Variants in XPNPEP3 observed in about 807,000 individuals in gnomAD.
XPNPEP3 encodes the protein xaa-Pro aminopeptidase 3.
In XPNPEP3, 41 loss-of-function variants were observed where a neutral mutation model predicts 60.0. The observed-to-expected ratio is 0.68, with a 90% CI of 0.53 to 0.89. XPNPEP3 has a LOEUF of 0.89. Ranked by LOEUF, XPNPEP3 falls within the 40% of genes least tolerant of loss-of-function variation. XPNPEP3 has a pLI of 0.00. For synonymous variants in XPNPEP3, 212 were observed against 223.2 expected, an observed-to-expected ratio of 0.95 and a Z score of 0.45; for missense variants, 598 against 638.9, an observed-to-expected ratio of 0.94 and a Z score of 0.69.
rs1190350581 is a variant in XPNPEP3, at chr22:40,907,592, C to A, written c.798C>A (p.Phe266Leu). 1.9e-6 allele frequency: 3 copies of A among 1,613,938 alleles called. No homozygotes were observed. The South Asian group carries it at 3.3e-5, about 18-fold the overall frequency. The change falls in exon 5 of 10, where the codon TTC becomes TTA. Residue 266 changes from phenylalanine to leucine, a missense_variant. Coordinates refer to ENST00000357137, the MANE Select transcript of XPNPEP3 (RefSeq NM_022098.4). ...ATCCTCCTTTCTCTTTGCAGGCTTTCATAGAAACCATGTTCACCAGTAAAG... is the reference window on the plus strand; with the variant it reads ...ATCCTCCTTTCTCTTTGCAGGCTTTAATAGAAACCATGTTCACCAGTAAAG... ...QIAGKLTSQAFIETMFTSKAP... is the reference protein window; with the variant it reads ...QIAGKLTSQALIETMFTSKAP...
intron 4 of XPNPEP3, among the ~76,000 whole-genome samples, chr22:40,898,125 G>A (rs2058116326): frequency 1.3e-5 from 2 of 150,310 alleles, no homozygotes; most frequent in Admixed American, 6.7e-5. Context: ...TGTGCTTTTG[G>A]TGTCATATCC....
Position 40,930,033 on chromosome 22 carries a change from C to T in XPNPEP3, c.*3598C>T, listed in dbSNP as rs985671990. ...TCAACTGCCTTTGCAAGTTCATAAA[C>T]TTCTAAGGGTAAAAAGTGAATAAGA... is the stretch of plus-strand genomic sequence containing the variant. On this transcript the variant is annotated 3_prime_UTR_variant, in exon 10 of 10. Coordinates refer to ENST00000357137, the MANE Select transcript of XPNPEP3 (RefSeq NM_022098.4). 6.6e-6 allele frequency: 1 copy of T among 150,872 alleles called. No individual in the cohort carries two copies. Among genetic ancestry groups the T allele is most frequent in the African/African-American group, 2.4e-5 (1 of 41,004 alleles). 9.3% of individuals were successfully genotyped at this position (150,872 alleles called of 1,614,324 possible). A position where few individuals can be genotyped will look rare whatever the true frequency, so the allele number is the denominator to read the frequency against.
At position 40,893,006 on chromosome 22, in the gene XPNPEP3, T is replaced by C. The variant is rs141813047; in HGVS notation, c.792+6491T>C. On this transcript the variant is annotated intron_variant, in intron 4 of 9. Coordinates refer to ENST00000357137, the MANE Select transcript of XPNPEP3 (RefSeq NM_022098.4). ...TCTGGTAACCTTTGTAAAACCGTTA[T>C]CTTAATGGTTTTATGTGTTAGATTA... Among the ~76,000 whole-genome samples the C allele has an allele frequency of 1.2e-4, 18 of 151,258 alleles. No homozygotes were observed. In the East Asian group the frequency reaches 3.3e-3, roughly 28 times the overall value.
chr22:40,918,233 C>T (rs2058203663), intron 7 of XPNPEP3, among the ~76,000 whole-genome samples: 1 of 151,822 alleles, frequency 6.6e-6, no homozygotes, highest in African/African-American at 2.4e-5. Flanking sequence ...AATTGGCCAA[C>T]TATGGTGGCG....
chr22:40,857,185 C>G lies in XPNPEP3; in HGVS notation c.4C>G (p.Pro2Ala). The G allele has an allele frequency of 6.2e-7, 1 of 1,614,202 alleles. No individual in the cohort carries two copies. Among genetic ancestry groups the G allele is most frequent in the Non-Finnish European group, 8.5e-7 (1 of 1,180,036 alleles). The change falls in exon 1 of 10, where the codon CCT becomes GCT. Residue 2 changes from proline (P) to alanine (A), a missense_variant. Coordinates refer to ENST00000357137, the MANE Select transcript of XPNPEP3 (RefSeq NM_022098.4). The part of the protein sequence containing the change: M[P>A]WLLSAPKLVP... The stretch of plus-strand genomic sequence containing the variant: ...CCGACGCGTGAGTTAGGCCGTAATG[C>G]CTTGGCTGCTCTCAGCCCCCAAGCT...
intron 7 of XPNPEP3, among the ~76,000 whole-genome samples, chr22:40,920,881 C>T (rs1197283478): frequency 6.6e-6 from 1 of 152,148 alleles, no homozygotes; most frequent in Non-Finnish European, 1.5e-5. Context: ...CAACCTTCGC[C>T]TCCCAGTTTC....
At chr22:40,890,821 T>C (rs549007404) in intron 4 of XPNPEP3, among the ~76,000 whole-genome samples, 1 of 151,714 alleles carries the variant, frequency 6.6e-6, no homozygotes, top group Admixed American at 6.6e-5. Flanking sequence ...TGAGCTGAGA[T>C]TGCACCACTG....
In XPNPEP3 at chr22:40,924,437, C is replaced by G; in HGVS notation, c.1312C>G (p.Arg438Gly). The change falls in exon 9 of 10, where the codon CGT becomes GGT. Residue 438 changes from arginine to glycine, a missense_variant. By Grantham distance (125) the Arg-to-Gly change is moderately radical. Transcript: ENST00000357137. ...TGTCCATGACACTCCAGACATGCCCCGTTCCCTCCCTCTGCAGCCTGGGAT... is the reference window on the plus strand; with the variant it reads ...TGTCCATGACACTCCAGACATGCCCGGTTCCCTCCCTCTGCAGCCTGGGAT... ...MDVHDTPDMP[R>G]SLPLQPGMVI... 2 of 1,614,176 alleles carry G rather than the reference C, an allele frequency of 1.2e-6. No homozygotes were observed. The highest frequency in any genetic ancestry group is 4.5e-5 in the East Asian group (2 of 44,888).
intron 1 of XPNPEP3, among the ~76,000 whole-genome samples, chr22:40,867,309 T>TC (rs1012501867): frequency 9.2e-5 from 14 of 152,102 alleles, no homozygotes; most frequent in African/African-American, 3.4e-4. Context: ...CTCTTATCCC[T>TC]CCCCCTTGCC....
chr22:40,901,242 T>TTTTTTC (rs1282304073), intron 4 of XPNPEP3, among the ~76,000 whole-genome samples: 1 of 147,782 alleles, frequency 6.8e-6, no homozygotes, highest in African/African-American at 2.5e-5. Context: ...AGAACTTTTT[T>TTTTTTC]TTTTTTTGAG....
chr22:40,917,288 G>A (rs1293000472), intron 7 of XPNPEP3: 1 of 152,112 alleles, frequency 6.6e-6, no homozygotes, highest in Non-Finnish European at 1.5e-5. Context: ...CAGAAACAGA[G>A]CAGGTCACAA....
At chr22:40,858,522 C>CTTTTTT (rs34319696) in intron 1 of XPNPEP3, among the ~76,000 whole-genome samples, 20 of 85,506 alleles carry the variant, frequency 2.3e-4, no homozygotes, top group Non-Finnish European at 3.0e-4. Flanking sequence ...GCTGGAGAAG[C>CTTTTTT]TTTTTTTTTT....
chr22:40,916,120 T>C (rs1318330954), intron 7 of XPNPEP3, among the ~76,000 whole-genome samples: 1 of 151,940 alleles, frequency 6.6e-6, no homozygotes, highest in Non-Finnish European at 1.5e-5. Flanking sequence ...TGTGAAACCC[T>C]GTCTCTACTA....
At chr22:40,861,590 TC>T in intron 1 of XPNPEP3, 2 of 1,613,278 alleles carry the variant, frequency 1.2e-6, no homozygotes, top group Non-Finnish European at 1.7e-6. Flanking sequence ...AGAAAAAGTA[TC>T]CTGCATCTCT....
intron 4 of XPNPEP3, among the ~76,000 whole-genome samples, chr22:40,903,895 CACA>C (rs1247527681): frequency 1.3e-5 from 2 of 151,878 alleles, no homozygotes; most frequent in Admixed American, 1.3e-4. Context: ...CACACACACA[CACA>C]CACACACACA....
At chr22:40,887,176 T>C (rs138781317) in intron 4 of XPNPEP3, among the ~76,000 whole-genome samples, 1 of 152,294 alleles carries the variant, frequency 6.6e-6, no homozygotes, top group African/African-American at 2.4e-5. Flanking sequence ...CTTACAGATC[T>C]GCAGTTTATT....
chr22:40,920,012 G>T (rs2058210472), intron 7 of XPNPEP3, among the ~76,000 whole-genome samples: 1 of 152,062 alleles, frequency 6.6e-6, no homozygotes, highest in Non-Finnish European at 1.5e-5. Flanking sequence ...TCTAGATTTG[G>T]CAAACTAAGG....
intron 2 of XPNPEP3, among the ~76,000 whole-genome samples, chr22:40,874,882 C>A (rs529922371): frequency 6.6e-6 from 1 of 152,176 alleles, no homozygotes; most frequent in African/African-American, 2.4e-5. Context: ...AATGTGCCTT[C>A]CACATGCCTC....
At chr22:40,923,570 G>A (rs1569033575) in intron 8 of XPNPEP3, among the ~76,000 whole-genome samples, 1 of 152,132 alleles carries the variant, frequency 6.6e-6, no homozygotes, top group Non-Finnish European at 1.5e-5. Context: ...TATCCAAGCT[G>A]GCTGGGCACA....
Sources: gnomAD v4.1 joint callset for allele counts (sites outside exome capture counted in the v4.1 genomes callset) on GRCh38, gnomAD v4.1.1 for gene constraint, MANE v1.5 for transcripts, NCBI Gene and HGNC (gene_info 2026-07-23, HGNC 2026-07-21) for gene names.